Variants in SLC24A2 observed in about 807,000 individuals in gnomAD.
SLC24A2 encodes the protein sodium/potassium/calcium exchanger 2.
SLC24A2 carries 36 observed loss-of-function variants against 62.0 expected under a neutral mutation model. The ratio of observed to expected loss-of-function variants is 0.58; its 90% confidence interval spans 0.44 to 0.77. The LOEUF is 0.77. SLC24A2 is among the 30% of genes least tolerant of loss of function. The pLI, the probability that SLC24A2 is intolerant of heterozygous loss-of-function variation, is 0.00. For missense variants in SLC24A2, 846 were observed against 817.9 expected (o/e 1.03, Z -0.42); for synonymous variants, 358 against 294.0 (o/e 1.22, Z -2.23).
chr9:20,282,980 T>A, the SLC24A2 span, among the ~76,000 whole-genome samples: 1 of 152,212 alleles, frequency 6.6e-6, no homozygotes, highest in African/African-American at 2.4e-5. Context: ...GTCAAAGGGA[T>A]AGAAACATGT....
chr9:19,764,395 G>C (rs1822447667), intron 2 of SLC24A2, among the ~76,000 whole-genome samples: 1 of 152,190 alleles, frequency 6.6e-6, no homozygotes, highest in Non-Finnish European at 1.5e-5. Flanking sequence ...TGTGATGTTA[G>C]AGTGTCAATT....
At chr9:19,554,763 T>A (rs551962408) in intron 7 of SLC24A2, among the ~76,000 whole-genome samples, 87 of 152,286 alleles carry the variant, frequency 5.7e-4, no homozygotes, top group African/African-American at 2.0e-3. Flanking sequence ...CAGCAGAAGA[T>A]AATCTTGGGC....
intron 2 of SLC24A2, among the ~76,000 whole-genome samples, chr9:19,734,023 G>A (rs1045829710): frequency 6.6e-6 from 1 of 152,186 alleles, no homozygotes; most frequent in Non-Finnish European, 1.5e-5. Flanking sequence ...CTCTGAGGAA[G>A]TAACATTTAA....
chr9:19,615,233 G>C lies in SLC24A2; in HGVS notation c.1078+4351C>G, dbSNP rs1817733971. 2.0e-5 allele frequency among the ~76,000 whole-genome samples: 3 copies of C among 152,200 alleles called. No homozygotes were observed. In the South Asian group the frequency reaches 6.2e-4, roughly 32 times the overall value. On this transcript the variant is annotated intron_variant, in intron 4 of 10. Coordinates refer to ENST00000341998, the MANE Select transcript of SLC24A2 (RefSeq NM_020344.4). ...TGCTGCTTTCAAATGAATTTGAATA[G>C]TTCCCTTTTGAACATACACCAAATG...
chr9:20,051,485 A>C, the SLC24A2 span, among the ~76,000 whole-genome samples: 73 of 152,152 alleles, frequency 4.8e-4, no homozygotes, highest in South Asian at 0.015. Flanking sequence ...ATGATTAGCA[A>C]ACTTCATATC....
At chr9:19,537,099 T>G (rs1427556023) in intron 8 of SLC24A2, among the ~76,000 whole-genome samples, 1 of 151,596 alleles carries the variant, frequency 6.6e-6, no homozygotes, top group Non-Finnish European at 1.5e-5. Context: ...ATTCTGGATA[T>G]TAGCCCTTTG....
At chr9:19,951,226 T>TTGTGTGTGTG in the SLC24A2 span, among the ~76,000 whole-genome samples, 11 of 146,074 alleles carry the variant, frequency 7.5e-5, no homozygotes, top group African/African-American at 2.3e-4. Flanking sequence ...TTTTCTTAAG[T>TTGTGTGTGTG]TGTGTGTGTG....
chr9:20,222,309 T>C, the SLC24A2 span, among the ~76,000 whole-genome samples: 3 of 151,544 alleles, frequency 2.0e-5, no homozygotes, highest in African/African-American at 7.3e-5. Flanking sequence ...AGAAGACCAA[T>C]AGAAAACCTA....
the SLC24A2 span, among the ~76,000 whole-genome samples, chr9:20,069,821 G>A: frequency 6.6e-6 from 1 of 152,086 alleles, no homozygotes; most frequent in Non-Finnish European, 1.5e-5. Flanking sequence ...TCTTATAAAT[G>A]ATTATTTACT....
At position 19,622,130 on chromosome 9, in the gene SLC24A2, G is replaced by C. The variant is rs1817922230; in HGVS notation, c.969+131C>G. The C allele has an allele frequency of 9.3e-6, 7 of 750,422 alleles. No homozygotes were observed. The South Asian group carries it at 1.0e-4, about 11-fold the overall frequency. 46.5% of individuals were successfully genotyped at this position (750,422 alleles called of 1,614,324 possible). A position where few individuals can be genotyped will look rare whatever the true frequency, so the allele number is the denominator to read the frequency against. On this transcript the variant is annotated intron_variant, in intron 3 of 10. Coordinates refer to ENST00000341998, the MANE Select transcript of SLC24A2 (RefSeq NM_020344.4). Reference sequence around the variant, plus strand: ...TAGCACGGAGTAGAAGTACACATCAGGGGTTAGATTATTTAAGTATTCCAA... The same window carrying C: ...TAGCACGGAGTAGAAGTACACATCACGGGTTAGATTATTTAAGTATTCCAA...
chr9:19,932,980 C>T, the SLC24A2 span, among the ~76,000 whole-genome samples: 1 of 152,226 alleles, frequency 6.6e-6, no homozygotes, highest in Non-Finnish European at 1.5e-5. Flanking sequence ...TGTTGGACTC[C>T]TTGGAATTTT....
the SLC24A2 span, among the ~76,000 whole-genome samples, chr9:20,080,729 C>G: frequency 6.6e-6 from 1 of 152,018 alleles, no homozygotes; most frequent in Admixed American, 6.5e-5. Flanking sequence ...AACTACTCAT[C>G]TGACAAAGGG....
At chr9:20,151,193 T>TG in the SLC24A2 span, among the ~76,000 whole-genome samples, 3 of 151,972 alleles carry the variant, frequency 2.0e-5, no homozygotes, top group Non-Finnish European at 2.9e-5. Flanking sequence ...TCAGAAAGAA[T>TG]GGGCCTTCCC....
chr9:20,110,159 T>A, the SLC24A2 span, among the ~76,000 whole-genome samples: 1 of 152,160 alleles, frequency 6.6e-6, no homozygotes, highest in East Asian at 1.9e-4. Context: ...AGGCTTCAAC[T>A]GGCTTTAAAA....
At chr9:20,164,722 T>C in the SLC24A2 span, among the ~76,000 whole-genome samples, 1 of 151,994 alleles carries the variant, frequency 6.6e-6, no homozygotes. Context: ...TAGCAAAGAC[T>C]TGGAACCCAC....
At chr9:20,081,942 C>T in the SLC24A2 span, among the ~76,000 whole-genome samples, 15 of 152,302 alleles carry the variant, frequency 9.8e-5, no homozygotes, top group African/African-American at 3.6e-4. Context: ...TTTGTTCCCT[C>T]AGCCCTGATA....
At chr9:19,788,475 C>T (rs1309217326) in intron 1 of SLC24A2, 9 of 983,678 alleles carry the variant, frequency 9.1e-6, no homozygotes, top group Non-Finnish European at 1.1e-5. Context: ...CTTGCGTGGT[C>T]CCAAACTTTC....
At chr9:20,229,893 C>T in the SLC24A2 span, among the ~76,000 whole-genome samples, 2 of 148,546 alleles carry the variant, frequency 1.3e-5, no homozygotes, top group East Asian at 4.0e-4. Flanking sequence ...CTCCCCCAAC[C>T]CCACAACAGT....
chr9:20,052,972 G>A, the SLC24A2 span, among the ~76,000 whole-genome samples: 1 of 152,078 alleles, frequency 6.6e-6, no homozygotes, highest in African/African-American at 2.4e-5. Flanking sequence ...AGAAACATAT[G>A]GATTTCATCC....
Sources: allele counts gnomAD v4.1 joint callset (sites outside exome capture counted in the v4.1 genomes callset), GRCh38; gene constraint gnomAD v4.1.1; transcripts MANE v1.5; gene names NCBI Gene and HGNC (gene_info 2026-07-23, HGNC 2026-07-21).